The following CFAP54 variants were observed in gnomAD, a reference collection of about 807,000 sequenced individuals.
CFAP54 encodes the protein cilia and flagella associated protein 54.
CFAP54 carries 290 observed loss-of-function variants against 370.4 expected under a neutral mutation model. That is an observed-to-expected ratio of 0.78 (90% CI 0.71 to 0.86). The LOEUF (loss-of-function observed/expected upper bound fraction) is 0.86. Ranked by LOEUF, CFAP54 falls within the 40% of genes least tolerant of loss-of-function variation. The pLI is 0.00. For missense variants in CFAP54, 3,399 were observed against 3,528.7 expected, an observed-to-expected ratio of 0.96 and a Z score of 0.93; for synonymous variants, 1,206 against 1,236.5, an observed-to-expected ratio of 0.98 and a Z score of 0.52.
intron 60 of CFAP54, among the ~76,000 whole-genome samples, chr12:96,783,137 A>G (rs564926253): frequency 1.3e-5 from 2 of 152,312 alleles, no homozygotes; most frequent in East Asian, 3.9e-4. Flanking sequence ...ACAATGTTTT[A>G]TTTATTACAT....
At chr12:96,830,558 T>C (rs945450612) in intron 66 of CFAP54, among the ~76,000 whole-genome samples, 1 of 152,232 alleles carries the variant, frequency 6.6e-6, no homozygotes, top group African/African-American at 2.4e-5. Flanking sequence ...AATTGGTATA[T>C]ACATTTTGAT....
chr12:96,561,401 A>C lies in CFAP54; in HGVS notation c.2411-3067A>C, dbSNP rs561197606. ...GGCTTCATTAGCCACATGGAACTGT[A>C]AGTCCATTAAACCCCTTTTTCTATA... is the stretch of plus-strand genomic sequence containing the variant. On this transcript the variant is annotated intron_variant, in intron 17 of 67. Transcript: ENST00000524981. Among the ~76,000 whole-genome samples, 15 of 152,240 alleles carry C rather than the reference A, an allele frequency of 9.9e-5. No individual in the cohort carries two copies. In the East Asian group the frequency reaches 2.5e-3, roughly 25 times the overall value.
In CFAP54 at chr12:96,817,776, G is replaced by T; in HGVS notation, c.8959G>T (p.Val2987Phe). ...TACATATATATTTGTTATTTTCAGG[G>T]TTATTGCAATTCATGAGAAATTATC... is the stretch of plus-strand genomic sequence containing the variant. Reference protein sequence around the residue: ...VGSLWIPLNRVIAIHEKLSNL... With the variant: ...VGSLWIPLNRFIAIHEKLSNL... The change falls in exon 65 of 68, where the codon GTT becomes TTT. Residue 2987 changes from valine (V) to phenylalanine (F), a missense_variant and splice_region_variant. Transcript: ENST00000524981. 3 of 1,465,588 alleles carry T rather than the reference G, an allele frequency of 2.0e-6. No individual in the cohort carries two copies. Among genetic ancestry groups the T allele is most frequent in the Non-Finnish European group, 1.8e-6 (2 of 1,108,550 alleles). 90.8% of individuals were successfully genotyped at this position (1,465,588 alleles called of 1,614,324 possible).
intron 14 of CFAP54, among the ~76,000 whole-genome samples, chr12:96,546,518 CT>C (rs1318496062): frequency 1.3e-5 from 2 of 152,056 alleles, no homozygotes; most frequent in African/African-American, 4.8e-5. Context: ...TTATGCATTA[CT>C]GATTACTTTT....
chr12:96,691,429 ATATAT>A, intron 44 of CFAP54, 119 bp downstream of exon 44: 4 of 601,650 alleles, frequency 6.6e-6, no homozygotes, highest in Non-Finnish European at 1.1e-5. Context: ...TTTAAACTCT[ATATAT>A]GTGGGATTCT....
intron 22 of CFAP54, among the ~76,000 whole-genome samples, chr12:96,584,298 T>C (rs1956056450): frequency 1.3e-5 from 2 of 152,104 alleles, no homozygotes; most frequent in Non-Finnish European, 2.9e-5. Flanking sequence ...ACCCTGTCTC[T>C]ATTAAAAATA....
intron 40 of CFAP54, among the ~76,000 whole-genome samples, chr12:96,681,655 T>TCC (rs1193232543): frequency 9.2e-5 from 14 of 152,048 alleles, no homozygotes; most frequent in Admixed American, 5.9e-4. Context: ...AAACTCTGCC[T>TCC]TCTGGGTTCA....
intron 66 of CFAP54, 136 bp downstream of exon 66, chr12:96,829,224 G>A: frequency 2.1e-6 from 1 of 481,062 alleles, no homozygotes; most frequent in Non-Finnish European, 3.6e-6. Flanking sequence ...TGATAAACAT[G>A]AGTTTACAAT....
intron 35 of CFAP54, among the ~76,000 whole-genome samples, chr12:96,650,934 A>G (rs1956851122): frequency 6.6e-6 from 1 of 152,204 alleles, no homozygotes; most frequent in African/African-American, 2.4e-5. Context: ...CCCATGGGTC[A>G]GCAGTCTTGA....
rs991228572 is a variant in CFAP54, at chr12:96,587,620, C to T, written c.3076-1807C>T. Among the ~76,000 whole-genome samples, 8 of 152,050 alleles carry T rather than the reference C, an allele frequency of 5.3e-5. No individual in the cohort carries two copies. The East Asian group carries it at 7.7e-4, about 15-fold the overall frequency. On this transcript the variant is annotated intron_variant, in intron 22 of 67. Transcript: ENST00000524981. ...ATTTTATAAACCTTAATTTTAATCA[C>T]GGTATCTTTTCCTGTTTTGCAATGT... is the stretch of plus-strand genomic sequence containing the variant.
intron 17 of CFAP54, among the ~76,000 whole-genome samples, chr12:96,555,208 G>A (rs572510536): frequency 4.4e-4 from 67 of 152,082 alleles, no homozygotes; most frequent in African/African-American, 1.5e-3. Flanking sequence ...TGTAATAGGG[G>A]TGGGCTCAGA....
chr12:96,828,988 C>G (rs765849429), intron 65 of CFAP54, 26 bp from the exon 66 acceptor site: 1 of 1,233,652 alleles, frequency 8.1e-7, no homozygotes, highest in South Asian at 1.4e-5. Flanking sequence ...ATCAACCTCA[C>G]TGTATTACTA....
chr12:96,608,637 T>C (rs1238569059), intron 26 of CFAP54, among the ~76,000 whole-genome samples: 1 of 152,020 alleles, frequency 6.6e-6, no homozygotes, highest in Non-Finnish European at 1.5e-5. Flanking sequence ...AGTTTTTGTA[T>C]TTTTAGTAGA....
At chr12:96,693,884 G>GACTT in intron 45 of CFAP54, 76 bp downstream of exon 45, 1 of 906,576 alleles carries the variant, frequency 1.1e-6, no homozygotes, top group Non-Finnish European at 1.7e-6. Flanking sequence ...TTGATTCTAG[G>GACTT]ACTTATAATA....
At chr12:96,857,132 T>C (rs1959726353) in intron 66 of CFAP54, among the ~76,000 whole-genome samples, 2 of 151,940 alleles carry the variant, frequency 1.3e-5, no homozygotes, top group Non-Finnish European at 2.9e-5. Context: ...AGCATGGAGG[T>C]AGCTGTCCCC....
intron 23 of CFAP54, among the ~76,000 whole-genome samples, 174 bp downstream of exon 23, chr12:96,589,737 A>ACTTT (rs541182706): frequency 4.8e-3 from 722 of 151,852 alleles, no homozygotes; most frequent in Non-Finnish European, 8.4e-3. Flanking sequence ...CTTGTTAGAA[A>ACTTT]CTTTCTTTCT....
chr12:96,720,472 T>C lies in CFAP54; in HGVS notation c.6872T>C (p.Leu2291Pro), dbSNP rs1392212008. The C allele has an allele frequency of 2.3e-5, 37 of 1,605,716 alleles. No homozygotes were observed. In the East Asian group the frequency reaches 8.4e-4, roughly 36 times the overall value. Residue 2291 changes from leucine (L) to proline (P), a missense_variant, in exon 50 of 68, where the codon CTG becomes CCG. Leu to Pro is a moderately conservative substitution (Grantham distance 98). Transcript: ENST00000524981. ...FLLSEVEQKT[L>P]SQCSAGELEI... is the part of the protein sequence containing the mutation. ...CTGTCCGAGGTGGAACAGAAGACCC[T>C]GTCTCAGTGCTCCGCTGGCGAGCTG...
intron 66 of CFAP54, among the ~76,000 whole-genome samples, chr12:96,854,186 C>T (rs1204511139): frequency 1.3e-5 from 2 of 152,042 alleles, no homozygotes; most frequent in Non-Finnish European, 2.9e-5. Flanking sequence ...AATAGGTGGA[C>T]TATTTAGTGC....
chr12:96,702,729 A>C (rs2136581318), intron 46 of CFAP54, among the ~76,000 whole-genome samples: 1 of 152,304 alleles, frequency 6.6e-6, no homozygotes, highest in South Asian at 2.1e-4. Context: ...TTCAGTTGGG[A>C]ATTTCAAAAG....
Sources: gnomAD v4.1 joint callset for allele counts (sites outside exome capture counted in the v4.1 genomes callset) on GRCh38, gnomAD v4.1.1 for gene constraint, MANE v1.5 for transcripts, NCBI Gene and HGNC (gene_info 2026-07-23, HGNC 2026-07-21) for gene names.